TENM1: variants seen among roughly 807,000 people sequenced by gnomAD.
The protein encoded by TENM1 is teneurin transmembrane protein 1.
A neutral mutation model predicts 174.8 loss-of-function variants in TENM1; 35 were observed. The ratio of observed to expected loss-of-function variants is 0.20; its 90% CI spans 0.15 to 0.27. TENM1 has a LOEUF of 0.27. Ranked by LOEUF, TENM1 falls within the 10% of genes least tolerant of loss-of-function variation. The probability of loss-of-function intolerance (pLI) is 1.00; values close to 1 mark genes in which losing one functional copy is unlikely to be tolerated. For missense variants in TENM1, 1,633 were observed against 2,130.1 expected, an observed-to-expected ratio of 0.77 and a Z score of 4.59; for synonymous variants, 781 against 798.7, an observed-to-expected ratio of 0.98 and a Z score of 0.37.
At chrX:124,886,540 T>TAG (rs1241700826) in intron 3 of TENM1, among the ~76,000 whole-genome samples, 151 of 90,895 alleles carry the variant, frequency 1.7e-3, no homozygotes, top group African/African-American at 5.6e-3. Flanking sequence ...TATATATATA[T>TAG]ATATATATAG....
chrX:124,385,277 T>A (rs765816121), intron 29 of TENM1, among the ~76,000 whole-genome samples: 4 of 112,041 alleles, frequency 3.6e-5, no homozygotes, highest in Non-Finnish European at 7.5e-5. Context: ...AAGGGTGAAA[T>A]ACATTAGAAA....
chrX:124,743,926 C>G (rs1378984033), intron 3 of TENM1, among the ~76,000 whole-genome samples: 1 of 111,886 alleles, frequency 8.9e-6, no homozygotes, highest in Non-Finnish European at 1.9e-5. Flanking sequence ...TTTAATTAAT[C>G]TCTTTTCCTG....
chrX:124,530,175 T>C lies in TENM1; in HGVS notation c.2652-192A>G, dbSNP rs148745799. On this transcript the variant is annotated intron_variant, in intron 15 of 31. Transcript: ENST00000422452. ...CCATCAAAATTAGAATCATACTAAG[T>C]ATGGTTCTGAATCTAGATATTTTAA... Among the ~76,000 whole-genome samples, 1,002 of 110,275 alleles carry C rather than the reference T, an allele frequency of 9.1e-3. 7 individuals are homozygous for C. Among genetic ancestry groups the C allele is most frequent in the Non-Finnish European group, 0.015 (783 of 52,802 alleles).
At chrX:124,599,765 C>T (rs956971238) in intron 11 of TENM1, among the ~76,000 whole-genome samples, 6 of 110,250 alleles carry the variant, frequency 5.4e-5, no homozygotes, top group African/African-American at 1.3e-4. Context: ...GCTGTTTTAG[C>T]GGAGTGATTG....
rs150282550 is a variant in TENM1 at position 124,766,969 on chromosome X, A to G, written c.536-29772T>C. Among the ~76,000 whole-genome samples the G allele has an allele frequency of 3.0e-3, 338 of 111,955 alleles. 1 individual carries two copies. Among genetic ancestry groups the G allele is most frequent in the African/African-American group, 0.01 (323 of 30,943 alleles). On this transcript the variant is annotated intron_variant, in intron 3 of 31. Transcript: ENST00000422452. ...TATATGTATTACCAATGAATAATCA[A>G]AATGAATAAATCCACAACTGTTTTC...
chrX:124,770,872 G>T (rs1273081202), intron 3 of TENM1, among the ~76,000 whole-genome samples: 1 of 111,420 alleles, frequency 9.0e-6, no homozygotes, highest in African/African-American at 3.3e-5. Context: ...ATTTGAAAAT[G>T]TTTTATATGC....
chrX:125,063,134 T>C, the TENM1 span, among the ~76,000 whole-genome samples: 85 of 112,285 alleles, frequency 7.6e-4, no homozygotes, highest in African/African-American at 2.6e-3. Flanking sequence ...ACTAGCCTGT[T>C]GAATGACAAT....
At chrX:125,024,339 GAT>G in the TENM1 span, among the ~76,000 whole-genome samples, 1 of 105,919 alleles carries the variant, frequency 9.4e-6, no homozygotes, top group Non-Finnish European at 1.9e-5. Flanking sequence ...TGGATGACTG[GAT>G]ATATATATAT....
At chrX:124,541,239 T>G (rs1421475136) in intron 15 of TENM1, among the ~76,000 whole-genome samples, 4 of 111,431 alleles carry the variant, frequency 3.6e-5, no homozygotes, top group African/African-American at 1.3e-4. Context: ...TGATATAGTT[T>G]GTATGTTTGT....
the TENM1 span, among the ~76,000 whole-genome samples, chrX:125,190,562 A>T: frequency 9.0e-6 from 1 of 111,174 alleles, no homozygotes; most frequent in Non-Finnish European, 1.9e-5. Flanking sequence ...GATCTCGATT[A>T]TTTTCCCTTC....
the TENM1 span, among the ~76,000 whole-genome samples, chrX:125,170,042 A>T: frequency 3.6e-5 from 4 of 111,333 alleles, no homozygotes; most frequent in African/African-American, 1.3e-4. Context: ...AAGATAAGAT[A>T]CCAAATGTCT....
chrX:124,399,706 C>A lies in TENM1; in HGVS notation c.5391+5325G>T, dbSNP rs145023351. Among the ~76,000 whole-genome samples, 373 of 111,961 alleles carry A rather than the reference C, an allele frequency of 3.3e-3. 2 individuals are homozygous for A. The highest frequency in any genetic ancestry group is 0.011 in the African/African-American group (351 of 30,747). Reference sequence around the variant, plus strand: ...AATAGGCTAGGCACGGTGACTCGTGCCTGAAGTCCCAGCACTTTAGGAGGC... The same window carrying A: ...AATAGGCTAGGCACGGTGACTCGTGACTGAAGTCCCAGCACTTTAGGAGGC... On this transcript the variant is annotated intron_variant, in intron 27 of 31. Transcript: ENST00000422452.
At chrX:124,864,215 T>A (rs978428573) in intron 3 of TENM1, among the ~76,000 whole-genome samples, 2 of 111,909 alleles carry the variant, frequency 1.8e-5, no homozygotes, top group African/African-American at 6.5e-5. Flanking sequence ...GCATCAACAC[T>A]ATCTAGGAAA....
chrX:124,959,144 T>C (rs114743569), intron 1 of TENM1, among the ~76,000 whole-genome samples: 9,610 of 111,246 alleles, frequency 0.086, 980 homozygotes, highest in African/African-American at 0.29. Flanking sequence ...TAAAAACATT[T>C]TTTTCTGACT....
Position 124,791,198 on chromosome X carries a change from T to C in TENM1, c.536-54001A>G, listed in dbSNP as rs769122523. Among the ~76,000 whole-genome samples the C allele has an allele frequency of 2.7e-5, 3 of 112,325 alleles. No homozygotes were observed. In the South Asian group the frequency reaches 1.1e-3, roughly 41 times the overall value. On this transcript the variant is annotated intron_variant, in intron 3 of 31. Transcript: ENST00000422452. ...TGAATTTATGTTCTGTTTTTAGTCC[T>C]ATTCACATATGACTATGCATTCTAT...
chrX:124,642,802 G>T (rs1219789271), intron 10 of TENM1, among the ~76,000 whole-genome samples: 1 of 112,259 alleles, frequency 8.9e-6, no homozygotes, highest in Non-Finnish European at 1.9e-5. Flanking sequence ...ATGGGAAATA[G>T]AAAGGTTGAT....
chrX:124,709,632 T>C (rs781246240), intron 4 of TENM1, among the ~76,000 whole-genome samples: 1 of 109,829 alleles, frequency 9.1e-6, no homozygotes, highest in East Asian at 2.9e-4. Context: ...AGCTAGCTAA[T>C]AGGCATGGAT....
the TENM1 span, among the ~76,000 whole-genome samples, chrX:125,125,416 T>C: frequency 8.9e-6 from 1 of 112,227 alleles, no homozygotes; most frequent in African/African-American, 3.2e-5. Context: ...CTTTTAAATA[T>C]GAATCCTTAT....
intron 22 of TENM1, among the ~76,000 whole-genome samples, chrX:124,467,698 T>G (rs747326343): frequency 8.9e-6 from 1 of 112,056 alleles, no homozygotes; most frequent in African/African-American, 3.2e-5. Flanking sequence ...AACAAATCAC[T>G]TTCTGAAATG....
Sources: allele counts gnomAD v4.1 joint callset (sites outside exome capture counted in the v4.1 genomes callset), GRCh38; gene constraint gnomAD v4.1.1; transcripts MANE v1.5; gene names NCBI Gene and HGNC (gene_info 2026-07-23, HGNC 2026-07-21).